Variants in PLCL1 observed in about 807,000 individuals in gnomAD.
The protein encoded by PLCL1 is phospholipase C like 1 (inactive).
PLCL1 carries 41 observed loss-of-function variants against 84.4 expected under a neutral mutation model. The ratio of observed to expected loss-of-function variants is 0.49; its 90% CI spans 0.38 to 0.63. The LOEUF is 0.63. PLCL1 is among the 30% of genes least tolerant of loss of function. The pLI is 0.00. For synonymous variants in PLCL1, 490 were observed against 488.3 expected (o/e 1.00, Z -0.05); for missense variants, 1,206 against 1,367.8 (o/e 0.88, Z 1.87).
chr2:198,025,374 T>C (rs914660194), intron 1 of PLCL1, among the ~76,000 whole-genome samples: 1 of 152,074 alleles, frequency 6.6e-6, no homozygotes, highest in African/African-American at 2.4e-5. Flanking sequence ...CTAGATGCAC[T>C]CTACTGGACC....
chr2:198,143,737 G>A (rs963795504), intron 5 of PLCL1, among the ~76,000 whole-genome samples: 6 of 152,144 alleles, frequency 3.9e-5, no homozygotes, highest in Admixed American at 1.3e-4. Flanking sequence ...CCAAAGAAGA[G>A]ATGCAGGTTG....
At chr2:198,003,080 A>G (rs1470269072) in intron 1 of PLCL1, among the ~76,000 whole-genome samples, 1 of 152,126 alleles carries the variant, frequency 6.6e-6, no homozygotes, top group Admixed American at 6.6e-5. Context: ...AGAGGTTGTT[A>G]GATACTCTGT....
At chr2:198,005,055 A>G (rs1249222085) in intron 1 of PLCL1, among the ~76,000 whole-genome samples, 1 of 152,226 alleles carries the variant, frequency 6.6e-6, no homozygotes, top group African/African-American at 2.4e-5. Flanking sequence ...TAGTGAAAAT[A>G]AAATATTCAG....
At chr2:198,005,901 T>TA (rs998130962) in intron 1 of PLCL1, among the ~76,000 whole-genome samples, 7 of 152,204 alleles carry the variant, frequency 4.6e-5, no homozygotes, top group African/African-American at 1.2e-4. Context: ...CTTTTCTAAT[T>TA]AAAAAAATGG....
chr2:197,914,333 T>A (rs889817780), intron 1 of PLCL1, among the ~76,000 whole-genome samples: 19 of 139,692 alleles, frequency 1.4e-4, no homozygotes, highest in African/African-American at 4.9e-4. Flanking sequence ...TTTTATGTTA[T>A]TTTTTTTTTT....
At position 197,950,341 on chromosome 2, in the gene PLCL1, G is replaced by A. The variant is rs143932749; in HGVS notation, c.241-133417G>A. ...TCAGTTCCACAGCTGGGGGTCTCTC[G>A]TACCCCGTCCAGCACCTGAATTCAG... is the stretch of plus-strand genomic sequence containing the variant. On this transcript the variant is annotated intron_variant, in intron 1 of 5. Transcript: ENST00000428675. 5.4e-4 allele frequency among the ~76,000 whole-genome samples: 82 copies of A among 152,160 alleles called. 4 individuals are homozygous for A. The East Asian group carries it at 0.015, about 28-fold the overall frequency.
chr2:197,912,507 C>T (rs7426237), intron 1 of PLCL1, among the ~76,000 whole-genome samples: 3 of 150,838 alleles, frequency 2.0e-5, no homozygotes, highest in South Asian at 2.1e-4. Context: ...ATGTTTATTG[C>T]GGCATTATTC....
intron 1 of PLCL1, among the ~76,000 whole-genome samples, chr2:197,811,235 T>C (rs549271158): frequency 2.2e-4 from 33 of 152,356 alleles, no homozygotes; most frequent in African/African-American, 7.7e-4. Context: ...GGCCAACTTC[T>C]GTAACAACAA....
chr2:198,014,089 A>G (rs181075036), intron 1 of PLCL1, among the ~76,000 whole-genome samples: 6 of 152,250 alleles, frequency 3.9e-5, no homozygotes, highest in Non-Finnish European at 7.4e-5. Flanking sequence ...ATCTCAGAAC[A>G]TAGTCCATTT....
At chr2:197,953,741 A>G (rs1689432898) in intron 1 of PLCL1, among the ~76,000 whole-genome samples, 1 of 151,986 alleles carries the variant, frequency 6.6e-6, no homozygotes. Flanking sequence ...ATATATTGAT[A>G]TTCTCCTACC....
intron 1 of PLCL1, among the ~76,000 whole-genome samples, chr2:198,037,606 C>T (rs939899180): frequency 2.6e-5 from 4 of 152,214 alleles, no homozygotes; most frequent in Middle Eastern, 3.4e-3. Context: ...TTATAAAATT[C>T]GAGGATAATA....
chr2:197,922,827 C>G (rs1377508804), intron 1 of PLCL1, among the ~76,000 whole-genome samples: 9 of 129,410 alleles, frequency 7.0e-5, no homozygotes, highest in African/African-American at 2.5e-4. Context: ...GGCAGAGGGG[C>G]TCCTCACTTC....
At position 198,146,916 on chromosome 2, in the gene PLCL1, A is replaced by G; in HGVS notation, c.3242A>G (p.Glu1081Gly). 1 of 1,613,172 alleles carries G rather than the reference A, an allele frequency of 6.2e-7. No homozygotes were observed. Among genetic ancestry groups the G allele is most frequent in the Non-Finnish European group, 8.5e-7 (1 of 1,179,428 alleles). ...SAEAKSKRSL[E>G]AIEEKESSEE... The stretch of plus-strand genomic sequence containing the variant: ...GAGGCCAAGAGCAAGCGCAGCCTGG[A>G]AGCCATAGAGGAGAAGGAAAGTAGT... The change falls in exon 6 of 6, where the codon GAA becomes GGA. Residue 1081 changes from glutamate to glycine, a missense_variant. Coordinates refer to ENST00000428675, the MANE Select transcript of PLCL1 (RefSeq NM_006226.4).
At chr2:197,845,942 T>TGAG (rs1417776453) in intron 1 of PLCL1, among the ~76,000 whole-genome samples, 4 of 152,054 alleles carry the variant, frequency 2.6e-5, no homozygotes, top group African/African-American at 9.6e-5. Context: ...ATGAGAAGGG[T>TGAG]GAGGTTTCCT....
intron 1 of PLCL1, among the ~76,000 whole-genome samples, chr2:198,011,961 C>CT (rs976044103): frequency 1.3e-5 from 2 of 152,146 alleles, no homozygotes; most frequent in South Asian, 2.1e-4. Context: ...CATAGAATAT[C>CT]TTTTTTTAAC....
At chr2:197,873,850 A>T (rs1687691823) in intron 1 of PLCL1, among the ~76,000 whole-genome samples, 1 of 152,142 alleles carries the variant, frequency 6.6e-6, no homozygotes, top group South Asian at 2.1e-4. Context: ...AATATTTCGG[A>T]CAAGGCTCAG....
intron 1 of PLCL1, among the ~76,000 whole-genome samples, chr2:198,042,725 G>A (rs756325543): frequency 2.0e-5 from 3 of 152,142 alleles, no homozygotes; most frequent in Non-Finnish European, 4.4e-5. Flanking sequence ...GAAATATTAC[G>A]TGCATAGTCA....
Position 197,822,731 on chromosome 2 carries a change from T to C in PLCL1, c.240+17392T>C, listed in dbSNP as rs1690843796. On this transcript the variant is annotated intron_variant, in intron 1 of 5. Transcript: ENST00000428675. ...TCATTTGAAATGGTGTTCCTAGGCCTCAACACTGGTTGCTATGCCAGATGC... is the reference window on the plus strand; with the variant it reads ...TCATTTGAAATGGTGTTCCTAGGCCCCAACACTGGTTGCTATGCCAGATGC... 2.6e-5 allele frequency among the ~76,000 whole-genome samples: 4 copies of C among 152,328 alleles called. No homozygotes were observed. The South Asian group carries it at 8.3e-4, about 32-fold the overall frequency.
chr2:197,817,956 A>G (rs1459750648), intron 1 of PLCL1, among the ~76,000 whole-genome samples: 1 of 152,052 alleles, frequency 6.6e-6, no homozygotes, highest in Non-Finnish European at 1.5e-5. Flanking sequence ...ACCTTAACAC[A>G]CTTAGCAGTG....
Sources: allele counts gnomAD v4.1 joint callset (sites outside exome capture counted in the v4.1 genomes callset), GRCh38; gene constraint gnomAD v4.1.1; transcripts MANE v1.5; gene names NCBI Gene and HGNC (gene_info 2026-07-23, HGNC 2026-07-21).